LPL: variants seen among roughly 807,000 people sequenced by gnomAD.
The protein encoded by LPL is phospholipase A1.
In LPL, 43 loss-of-function variants were observed where a neutral mutation model predicts 52.2. The ratio of observed to expected loss-of-function variants is 0.82; its 90% CI spans 0.64 to 1.06. LPL has a LOEUF of 1.06. Among genes scored for constraint, LPL ranks in the 50% least tolerant of loss-of-function variants. The pLI is 0.00. For synonymous variants in LPL, 244 were observed against 215.6 expected (o/e 1.13, Z -1.15); for missense variants, 639 against 585.3 (o/e 1.09, Z -0.95).
rs1198832919 is a variant in LPL, at chr8:19,966,640, C to A, written c.*1330C>A. On this transcript the variant is annotated 3_prime_UTR_variant, in exon 10 of 10. Transcript: ENST00000650287. ...TCTGAACACATACTAGAAAGCTCTG[C>A]ATGTGTGTTGTCCTTCAGCATAATT... The A allele has an allele frequency of 6.6e-6, 1 of 152,194 alleles. No homozygotes were observed. The highest frequency in any genetic ancestry group is 1.5e-5 in the Non-Finnish European group (1 of 68,044). 9.4% of individuals were successfully genotyped at this position (152,194 alleles called of 1,614,324 possible). A position where few individuals can be genotyped will look rare whatever the true frequency, so the allele number is the denominator to read the frequency against.
chr8:19,954,904 A>G (rs538449707), intron 5 of LPL, among the ~76,000 whole-genome samples: 2 of 152,186 alleles, frequency 1.3e-5, no homozygotes, highest in East Asian at 1.9e-4. Context: ...GGGACTTGCA[A>G]TGTTGCCCAG....
Position 19,960,968 on chromosome 8 carries a change from C to G in LPL, c.1207C>G (p.Leu403Val), listed in dbSNP as rs1156454170. The G allele has an allele frequency of 6.2e-7, 1 of 1,614,010 alleles. No individual in the cohort carries two copies. The highest frequency in any genetic ancestry group is 8.5e-7 in the Non-Finnish European group (1 of 1,179,914). ...CACAGAGGTAGATATTGGAGAACTA[C>G]TCATGTTGAAGCTCAAATGGAAGAG... Reference protein sequence around the residue: ...IYTEVDIGELLMLKLKWKSDS... With the variant: ...IYTEVDIGELVMLKLKWKSDS... The change falls in exon 8 of 10, where the codon CTC becomes GTC. Residue 403 changes from leucine (L) to valine (V), a missense_variant. Coordinates refer to ENST00000650287, the MANE Select transcript of LPL (RefSeq NM_000237.3).
chr8:19,950,155 C>T lies in LPL; in HGVS notation c.250-1614C>T, dbSNP rs1456774132. Among the ~76,000 whole-genome samples, 1 of 152,180 alleles carries T rather than the reference C, an allele frequency of 6.6e-6. No individual in the cohort carries two copies. Among genetic ancestry groups the T allele is most frequent in the African/African-American group, 2.4e-5 (1 of 41,462 alleles). ...GGGTCTGTGCAAGAACTAAGCCAGC[C>T]ACACTGATCTTGATTATCTCAGTGA... On this transcript the variant is annotated intron_variant, in intron 2 of 9. Transcript: ENST00000650287. This position sits in a 1 kb window ranked among gnomAD's most constrained non-coding sequence, Gnocchi z 4.2.
rs1296547558 is a variant in LPL at position 19,941,884 on chromosome 8, GAGCCACC to G, written c.88+2358_88+2364del. Among the ~76,000 whole-genome samples the G allele has an allele frequency of 2.0e-5, 3 of 152,294 alleles. No homozygotes were observed. The East Asian group carries it at 5.8e-4, about 29-fold the overall frequency. ...ACTGTCCTCAGGCACTTCGTCCTGG[GAGCCACC>G]ACCATCTCTGCATGGCCCCAATTAG... On this transcript the variant is annotated intron_variant, in intron 1 of 9. Coordinates refer to ENST00000650287, the MANE Select transcript of LPL (RefSeq NM_000237.3).
Position 19,954,491 on chromosome 8 carries a change from A to G in LPL, c.775+138A>G, listed in dbSNP as rs111255464. ...AATTATGTTTCTGAAGAATTCTGCA[A>G]TGTTCAGCATGACCACCTTAGAGCC... On this transcript the variant is annotated intron_variant, in intron 5 of 9. Coordinates refer to ENST00000650287, the MANE Select transcript of LPL (RefSeq NM_000237.3). 1.1e-3 allele frequency: 925 copies of G among 817,602 alleles called. 10 individuals carry two copies. In the African/African-American group the frequency reaches 0.014, roughly 13 times the overall value. 50.6% of individuals were successfully genotyped at this position (817,602 alleles called of 1,614,324 possible).
chr8:19,956,072 T>C lies in LPL; in HGVS notation c.1007T>C (p.Met336Thr). ...ATGTACCTGAAGACTCGTTCTCAGA[T>C]GCCCTACAAAGGTAGGCTGGAGACT... ...SKMYLKTRSQ[M>T]PYKVFHYQVK... Residue 336 changes from methionine to threonine, a missense_variant, in exon 6 of 10, where the codon ATG (methionine) becomes ACG (threonine). Coordinates refer to ENST00000650287, the MANE Select transcript of LPL (RefSeq NM_000237.3). The C allele has an allele frequency of 6.2e-7, 1 of 1,614,190 alleles. No homozygotes were observed. Among genetic ancestry groups the C allele is most frequent in the Non-Finnish European group, 8.5e-7 (1 of 1,180,032 alleles).
rs1302566740 is a variant in LPL, at chr8:19,939,407, G to GC, written c.-32dup. ...TCAGCCGGCTCATCAGTCGGTCCGCGCCTTGCAGCTCCTCCAGAGGGACGC... is the reference window on the plus strand; with the variant it reads ...TCAGCCGGCTCATCAGTCGGTCCGCGCCCTTGCAGCTCCTCCAGAGGGACGC... On this transcript the variant is annotated 5_prime_UTR_variant, in exon 1 of 10. Coordinates refer to ENST00000650287, the MANE Select transcript of LPL (RefSeq NM_000237.3). This position sits in a 1 kb window ranked among gnomAD's most constrained non-coding sequence, Gnocchi z 4.0. The GC allele has an allele frequency of 6.3e-7, 1 of 1,579,054 alleles. No individual in the cohort carries two copies. Among genetic ancestry groups the GC allele is most frequent in the Non-Finnish European group, 8.6e-7 (1 of 1,162,830 alleles).
chr8:19,961,111 C>T (rs1318015123), intron 8 of LPL, 28 bp downstream of exon 8: 2 of 1,604,288 alleles, frequency 1.2e-6, no homozygotes, highest in Non-Finnish European at 1.7e-6. Flanking sequence ...TCTTCCTTCA[C>T]TTTAGACCCC....
Position 19,965,465 on chromosome 8 carries a change from T to C in LPL, c.*155T>C. On this transcript the variant is annotated 3_prime_UTR_variant, in exon 10 of 10. Transcript: ENST00000650287. ...CCAGCCCTACCCTTGTTAGTTATTT[T>C]AGGAGACAGTCTCAAGCACTAAAAA... The C allele has an allele frequency of 1.6e-6, 1 of 639,396 alleles. No homozygotes were observed. Among genetic ancestry groups the C allele is most frequent in the Admixed American group, 2.4e-5 (1 of 42,194 alleles). The allele number at this position is 639,396 out of a possible 1,614,324, so 39.6% of individuals were successfully genotyped here.
chr8:19,960,915 C>A lies in LPL; in HGVS notation c.1154C>A (p.Thr385Lys). ...TTTTTGTTTAGGCCTGAAGTTTCCA[C>A]AAATAAGACCTACTCCTTCCTAATT... Reference protein sequence around the residue: ...NIPFTLPEVSTNKTYSFLIYT... With the variant: ...NIPFTLPEVSKNKTYSFLIYT... The change falls in exon 8 of 10, where the codon ACA becomes AAA. Residue 385 changes from threonine (T) to lysine (K), a missense_variant. Thr to Lys is a moderately conservative substitution (Grantham distance 78, BLOSUM62 -1). Coordinates refer to ENST00000650287, the MANE Select transcript of LPL (RefSeq NM_000237.3). 6.2e-7 allele frequency: 1 copy of A among 1,613,666 alleles called. No homozygotes were observed. The highest frequency in any genetic ancestry group is 8.5e-7 in the Non-Finnish European group (1 of 1,179,834).
chr8:19,956,786 G>A (rs766847440), intron 6 of LPL, among the ~76,000 whole-genome samples: 4 of 152,110 alleles, frequency 2.6e-5, no homozygotes, highest in Non-Finnish European at 5.9e-5. Context: ...TTTACAGAAT[G>A]TTCACAACTT....
chr8:19,962,609 C>A (rs1161675782), intron 9 of LPL, among the ~76,000 whole-genome samples: 1 of 152,138 alleles, frequency 6.6e-6, no homozygotes, highest in East Asian at 1.9e-4. Context: ...GTGGGTGCAG[C>A]TCTTCCCAGG....
intron 2 of LPL, among the ~76,000 whole-genome samples, chr8:19,951,134 T>C (rs550166331): frequency 1.3e-5 from 2 of 152,300 alleles, no homozygotes; most frequent in East Asian, 3.9e-4. Context: ...GCTTAGCATG[T>C]AGCATGCATG....
Position 19,939,655 on chromosome 8 carries a change from G to A in LPL, c.88+127G>A, listed in dbSNP as rs2069813348. ...TGCGCCCAGGGACTCTCCCAGCCTG[G>A]GCTCTAGCCCCGAAACGGTCCCCGG... is the stretch of plus-strand genomic sequence containing the variant. On this transcript the variant is annotated intron_variant, in intron 1 of 9. Coordinates refer to ENST00000650287, the MANE Select transcript of LPL (RefSeq NM_000237.3). The surrounding 1 kb of genome is among the most constrained non-coding windows in gnomAD (Gnocchi z 4.0). 3.1e-6 allele frequency: 3 copies of A among 976,214 alleles called. No homozygotes were observed. Among genetic ancestry groups the A allele is most frequent in the South Asian group, 1.5e-5 (1 of 65,896 alleles). The allele number at this position is 976,214 out of a possible 1,614,324, so 60.5% of individuals were successfully genotyped here. A position where few individuals can be genotyped will look rare whatever the true frequency, so the allele number is the denominator to read the frequency against.
At chr8:19,953,605 C>T (rs2069954472) in intron 4 of LPL, among the ~76,000 whole-genome samples, 184 bp downstream of exon 4, 1 of 152,148 alleles carries the variant, frequency 6.6e-6, no homozygotes, top group Non-Finnish European at 1.5e-5. Context: ...GACGCTCTCA[C>T]TGGCTTACTA....
In LPL at chr8:19,947,984, T is replaced by G. The variant is rs73667469; in HGVS notation, c.89-196T>G. On this transcript the variant is annotated intron_variant, in intron 1 of 9. Transcript: ENST00000650287. ...AATGGTGACAATCTTAATTCAGAGT[T>G]AAGGTTGTCTCTCTGTCAACTTTGC... Among the ~76,000 whole-genome samples the G allele has an allele frequency of 0.08, 12,229 of 152,196 alleles. 1,241 individuals carry two copies. The highest frequency in any genetic ancestry group is 0.25 in the African/African-American group (10,182 of 41,494).
intron 1 of LPL, among the ~76,000 whole-genome samples, chr8:19,947,509 G>A (rs369186518): frequency 7.2e-5 from 11 of 151,898 alleles, no homozygotes; most frequent in African/African-American, 1.2e-4. Context: ...GTGGTGGCAC[G>A]CACCTGTGGT....
At chr8:19,959,201 T>C in intron 6 of LPL, 59 bp from the exon 7 acceptor site, 2 of 1,611,074 alleles carry the variant, frequency 1.2e-6, no homozygotes, top group South Asian at 2.2e-5. Flanking sequence ...GCCTGACTAT[T>C]TGGGGTTGTG....
intron 6 of LPL, among the ~76,000 whole-genome samples, chr8:19,958,778 G>A (rs956321786): frequency 1.2e-4 from 19 of 152,092 alleles, no homozygotes; most frequent in East Asian, 7.7e-4. Flanking sequence ...TCCTGTGACC[G>A]GAAGCCCGCT....
Sources: gnomAD v4.1 joint callset for allele counts (sites outside exome capture counted in the v4.1 genomes callset) on GRCh38, gnomAD v4.1.1 for gene constraint, Gnocchi (gnomAD v3.1) non-coding constraint, MANE v1.5 for transcripts, NCBI Gene and HGNC (gene_info 2026-07-23, HGNC 2026-07-21) for gene names.